CELSR1: variants seen among roughly 807,000 people sequenced by gnomAD.
The protein encoded by CELSR1 is adhesion G protein-coupled receptor C1.
In CELSR1, 110 loss-of-function variants were observed where a neutral mutation model predicts 249.1. That is an observed-to-expected ratio of 0.44 (90% CI 0.38 to 0.52). CELSR1 has a LOEUF of 0.52. Among genes scored for constraint, CELSR1 ranks in the 20% least tolerant of loss-of-function variants. The pLI, the probability that CELSR1 is intolerant of heterozygous loss-of-function variation, is 0.00. For missense variants in CELSR1, 4,109 were observed against 4,296.4 expected, an observed-to-expected ratio of 0.96 and a Z score of 1.22; for synonymous variants, 2,113 against 1,900.0, an observed-to-expected ratio of 1.11 and a Z score of -2.92.
rs987372682 is a variant in CELSR1 at position 46,390,112 on chromosome 22, G to A, written c.6345+280C>T. On this transcript the variant is annotated intron_variant, in intron 17 of 34. Coordinates refer to ENST00000674500, the MANE Select transcript of CELSR1 (RefSeq NM_001378328.1). The surrounding 1 kb of genome is among the most constrained non-coding windows in gnomAD (Gnocchi z 6.3). ...AATAGGGCAGGATCAGAGGGCAAAT[G>A]GAGTCAAATGCAGGGACCCCGTGTT... Among the ~76,000 whole-genome samples the A allele has an allele frequency of 6.6e-6, 1 of 152,202 alleles. No individual in the cohort carries two copies. Among genetic ancestry groups the A allele is most frequent in the Non-Finnish European group, 1.5e-5 (1 of 68,038 alleles).
rs904941817 is a variant in CELSR1 at position 46,429,420 on chromosome 22, C to A, written c.4611+3973G>T. On this transcript the variant is annotated intron_variant, in intron 5 of 34. Coordinates refer to ENST00000674500, the MANE Select transcript of CELSR1 (RefSeq NM_001378328.1). This position sits in a 1 kb window ranked among gnomAD's most constrained non-coding sequence, Gnocchi z 4.1. Reference sequence around the variant, plus strand: ...ATGCTCCACTCGGCCCCAAACCTCCCGGCGTGGCTGTGGGCGTGGGGGCTG... The same window carrying A: ...ATGCTCCACTCGGCCCCAAACCTCCAGGCGTGGCTGTGGGCGTGGGGGCTG... Among the ~76,000 whole-genome samples, 1 of 152,204 alleles carries A rather than the reference C, an allele frequency of 6.6e-6. No individual in the cohort carries two copies. The highest frequency in any genetic ancestry group is 2.4e-5 in the African/African-American group (1 of 41,438).
Position 46,389,295 on chromosome 22 carries a change from G to C in CELSR1, c.6550C>G (p.His2184Asp). The C allele has an allele frequency of 6.2e-7, 1 of 1,605,088 alleles. No homozygotes were observed. Among genetic ancestry groups the C allele is most frequent in the Non-Finnish European group, 8.5e-7 (1 of 1,179,692 alleles). The change falls in exon 18 of 35, where the codon CAC (histidine) becomes GAC (aspartate). Residue 2184 changes from histidine to aspartate, a missense_variant. Around this residue, in one of 7 missense-constraint regions of CELSR1, gnomAD observed 1,805 missense variants for 1,831.6 expected, o/e 0.99. Coordinates refer to ENST00000674500, the MANE Select transcript of CELSR1 (RefSeq NM_001378328.1). The part of the protein sequence containing the change: ...DLAATQDADF[H>D]EDVIHSGSAL... The stretch of plus-strand genomic sequence containing the variant: ...GGTGGCGGCCACCCGCCTACCTCGT[G>C]AAAGTCGGCGTCCTGCGTGGCTGCC...
chr22:46,420,423 C>T (rs566942048), intron 5 of CELSR1, among the ~76,000 whole-genome samples: 4 of 152,146 alleles, frequency 2.6e-5, no homozygotes, highest in East Asian at 1.9e-4. Flanking sequence ...TCTTCACACA[C>T]GTGCACACAC....
intron 2 of CELSR1, among the ~76,000 whole-genome samples, chr22:46,443,016 T>C (rs1426904142): frequency 6.7e-6 from 1 of 149,346 alleles, no homozygotes; most frequent in African/African-American, 2.5e-5. Context: ...GAGAATGGCG[T>C]GAACGCGGGA....
In CELSR1 at chr22:46,439,228, C is replaced by T. The variant is rs746010700; in HGVS notation, c.4367G>A (p.Arg1456Gln). ...SFPPQSFVTF[R>Q]GLRQRFHFTI... ...GAAGTGGAAGCGCTGTCTCAGGCCC[C>T]GGAAGGTGACGAAGGACTGGGGCGG... is the stretch of plus-strand genomic sequence containing the variant. The change falls in exon 3 of 35, where the codon CGG (arginine) becomes CAG (glutamine). Residue 1456 changes from arginine to glutamine, a missense_variant. Arg to Gln is a conservative substitution (Grantham distance 43). This residue lies in a region of CELSR1 where 453 missense variants were observed against 492.0 expected (regional missense o/e 0.92). Transcript: ENST00000674500. 2.6e-5 allele frequency: 42 copies of T among 1,613,962 alleles called. No individual in the cohort carries two copies. The highest frequency in any genetic ancestry group is 6.7e-5 in the Admixed American group (4 of 60,004).
At chr22:46,476,383 C>G (rs1231257710) in intron 1 of CELSR1, among the ~76,000 whole-genome samples, 1 of 151,994 alleles carries the variant, frequency 6.6e-6, no homozygotes, top group Non-Finnish European at 1.5e-5. Flanking sequence ...ATTGCCTGAG[C>G]TCAGGAGTTC....
At chr22:46,439,816 C>G (rs1248520133) in intron 2 of CELSR1, among the ~76,000 whole-genome samples, 1 of 152,158 alleles carries the variant, frequency 6.6e-6, no homozygotes, top group Non-Finnish European at 1.5e-5. Context: ...CACACCTATG[C>G]CCGTGCCACA....
intron 2 of CELSR1, among the ~76,000 whole-genome samples, chr22:46,453,027 AGCCTGGCGC>A (rs1288453279): frequency 1.6e-3 from 250 of 152,294 alleles, no homozygotes; most frequent in Non-Finnish European, 2.9e-3. Context: ...GGCACTGTGC[AGCCTGGCGC>A]CCCACTGAGC....
In CELSR1 at chr22:46,427,049, G is replaced by A. The variant is rs1041187808; in HGVS notation, c.4611+6344C>T. Among the ~76,000 whole-genome samples the A allele has an allele frequency of 6.6e-6, 1 of 152,114 alleles. No homozygotes were observed. On this transcript the variant is annotated intron_variant, in intron 5 of 34. Coordinates refer to ENST00000674500, the MANE Select transcript of CELSR1 (RefSeq NM_001378328.1). The surrounding 1 kb of genome is among the most constrained non-coding windows in gnomAD (Gnocchi z 4.2). ...CAGTGAAGTTCATGGCTTCCAATAGGGAGTGATAGATAAATAGGAAAAAAA... is the reference window on the plus strand; with the variant it reads ...CAGTGAAGTTCATGGCTTCCAATAGAGAGTGATAGATAAATAGGAAAAAAA...
At position 46,380,572 on chromosome 22, in the gene CELSR1, G is replaced by T. The variant is rs918037751; in HGVS notation, c.7256+216C>A. Among the ~76,000 whole-genome samples the T allele has an allele frequency of 2.6e-5, 4 of 152,224 alleles. No individual in the cohort carries two copies. Among genetic ancestry groups the T allele is most frequent in the African/African-American group, 9.6e-5 (4 of 41,464 alleles). On this transcript the variant is annotated intron_variant, in intron 22 of 34. Coordinates refer to ENST00000674500, the MANE Select transcript of CELSR1 (RefSeq NM_001378328.1). This position sits in a 1 kb window ranked among gnomAD's most constrained non-coding sequence, Gnocchi z 5.1. ...CTGCACATCTGTATCTCCACGTGCA[G>T]GTCTGTGTGCATCTGTGTGTGGACA...
intron 22 of CELSR1, among the ~76,000 whole-genome samples, chr22:46,379,320 C>T (rs1213682127): frequency 1.3e-5 from 2 of 152,170 alleles, no homozygotes; most frequent in East Asian, 1.9e-4. Flanking sequence ...CAGCTTCAGA[C>T]AGGGCCCTGC....
Position 46,367,128 on chromosome 22 carries a change from G to A in CELSR1, c.8080-10C>T. ...GGAGGACGAAGGGGCCCTGGAGGGAGGAAGGTGGGGTCAGCACCTGCTGCT... is the reference window on the plus strand; with the variant it reads ...GGAGGACGAAGGGGCCCTGGAGGGAAGAAGGTGGGGTCAGCACCTGCTGCT... On this transcript the variant is annotated splice_polypyrimidine_tract_variant and intron_variant, in intron 28 of 34. Transcript: ENST00000674500. 4.3e-6 allele frequency: 7 copies of A among 1,609,294 alleles called. No homozygotes were observed. The highest frequency in any genetic ancestry group is 5.9e-6 in the Non-Finnish European group (7 of 1,178,966).
rs2079622828 is a variant in CELSR1, at chr22:46,433,621, G to T, written c.4523-140C>A. 4.8e-6 allele frequency: 3 copies of T among 619,850 alleles called. No individual in the cohort carries two copies. The highest frequency in any genetic ancestry group is 8.7e-6 in the Non-Finnish European group (3 of 344,352). 38.4% of individuals were successfully genotyped at this position (619,850 alleles called of 1,614,324 possible). ...CCTCCCCTCCCCACGGCACCATGGT[G>T]GGAGGCGCCCACCACTCCATCCATT... On this transcript the variant is annotated intron_variant, in intron 4 of 34. Coordinates refer to ENST00000674500, the MANE Select transcript of CELSR1 (RefSeq NM_001378328.1). The surrounding 1 kb of genome is among the most constrained non-coding windows in gnomAD (Gnocchi z 5.7).
rs927262244 is a variant in CELSR1, at chr22:46,397,823, G to A, written c.5552C>T (p.Thr1851Ile). 1.9e-6 allele frequency: 3 copies of A among 1,586,256 alleles called. No homozygotes were observed. Among genetic ancestry groups the A allele is most frequent in the Non-Finnish European group, 2.6e-6 (3 of 1,164,590 alleles). Reference sequence around the variant, plus strand: ...GTTCATGTTCAGGGTGGCGACGTTGGTGGGCGTCCCCCCCATCCTCACTCC... The same window carrying A: ...GTTCATGTTCAGGGTGGCGACGTTGATGGGCGTCCCCCCCATCCTCACTCC... ...MQGVRMGGTP[T>I]NVATLNMNNA... Residue 1851 changes from threonine to isoleucine, a missense_variant, in exon 12 of 35, where the codon ACC becomes ATC. Coordinates refer to ENST00000674500, the MANE Select transcript of CELSR1 (RefSeq NM_001378328.1).
In CELSR1 at chr22:46,440,491, G is replaced by T. The variant is rs947059213; in HGVS notation, c.4184-1080C>A. Among the ~76,000 whole-genome samples the T allele has an allele frequency of 1.3e-5, 2 of 152,182 alleles. No individual in the cohort carries two copies. The highest frequency in any genetic ancestry group is 2.9e-5 in the Non-Finnish European group (2 of 68,044). On this transcript the variant is annotated intron_variant, in intron 2 of 34. Coordinates refer to ENST00000674500, the MANE Select transcript of CELSR1 (RefSeq NM_001378328.1). This position sits in a 1 kb window ranked among gnomAD's most constrained non-coding sequence, Gnocchi z 4.7. ...TGGGATTACAGGCGTGAGCCACCGC[G>T]CCCGGCCAGTATGATCAATCTTTAA...
intron 1 of CELSR1, among the ~76,000 whole-genome samples, chr22:46,520,572 T>C (rs2080675411): frequency 6.6e-6 from 1 of 152,142 alleles, no homozygotes; most frequent in South Asian, 2.1e-4. Context: ...GCAATTCTCC[T>C]ACCTCAGCCT....
At chr22:46,525,742 G>T (rs1350097832) in intron 1 of CELSR1, among the ~76,000 whole-genome samples, 1 of 152,222 alleles carries the variant, frequency 6.6e-6, no homozygotes, top group African/African-American at 2.4e-5. Context: ...TAAGGTGGCC[G>T]CTGCCAGGGG....
In CELSR1 at chr22:46,534,452, G is replaced by A; in HGVS notation, c.2719C>T (p.Pro907Ser). 1.9e-6 allele frequency: 3 copies of A among 1,613,056 alleles called. No homozygotes were observed. The highest frequency in any genetic ancestry group is 2.2e-5 in the East Asian group (1 of 44,878). ...YQGSIFEDAP[P>S]STSILQVSAT... ...GAGACCTGGAGGATGCTGGTCGAGG[G>A]TGGAGCATCCTCAAAGATGGAACCC... Residue 907 changes from proline to serine, a missense_variant, in exon 1 of 35, where the codon CCC becomes TCC. Transcript: ENST00000674500. This position sits in a 1 kb window ranked among gnomAD's most constrained non-coding sequence, Gnocchi z 9.7.
intron 5 of CELSR1, among the ~76,000 whole-genome samples, chr22:46,420,143 CACTCA>C (rs575824401): frequency 2.1e-4 from 32 of 152,084 alleles, no homozygotes; most frequent in African/African-American, 7.2e-4. Flanking sequence ...TACACTCACC[CACTCA>C]AATGTGCCCT....
Sources: gnomAD v4.1 joint callset for allele counts (sites outside exome capture counted in the v4.1 genomes callset) on GRCh38, gnomAD v4.1.1 for gene constraint, gnomAD v4.1.1 regional missense constraint, Gnocchi (gnomAD v3.1) non-coding constraint, MANE v1.5 for transcripts, NCBI Gene and HGNC (gene_info 2026-07-23, HGNC 2026-07-21) for gene names.